HS6ST3: variants seen among roughly 807,000 people sequenced by gnomAD.
HS6ST3 encodes the protein heparan sulfate 6-O-sulfotransferase 3.
HS6ST3 carries 12 observed loss-of-function variants against 36.7 expected under a neutral mutation model. That is an observed-to-expected ratio of 0.33 (90% CI 0.21 to 0.53). The LOEUF is 0.53. HS6ST3 is among the 20% of genes least tolerant of loss of function. HS6ST3 has a pLI of 0.95. For synonymous variants in HS6ST3, 240 were observed against 257.5 expected (o/e 0.93, Z 0.65); for missense variants, 584 against 640.9 (o/e 0.91, Z 0.96).
chr13:96,613,648 A>C (rs1210999553), intron 1 of HS6ST3, among the ~76,000 whole-genome samples: 3 of 152,204 alleles, frequency 2.0e-5, no homozygotes, highest in Non-Finnish European at 4.4e-5. Context: ...TAAGAATATC[A>C]TTTAAGTTTT....
chr13:96,781,442 A>G (rs1004535885), intron 1 of HS6ST3, among the ~76,000 whole-genome samples: 2 of 152,234 alleles, frequency 1.3e-5, no homozygotes, highest in Admixed American at 6.5e-5. Flanking sequence ...TCAAAATGCT[A>G]TCACAGCTGA....
At chr13:96,615,688 G>A (rs897057323) in intron 1 of HS6ST3, among the ~76,000 whole-genome samples, 4 of 152,216 alleles carry the variant, frequency 2.6e-5, no homozygotes, top group African/African-American at 9.6e-5. Flanking sequence ...ACCATTAGAA[G>A]AATCTGTTAA....
chr13:96,290,836 G>A (rs141104856), intron 1 of HS6ST3, among the ~76,000 whole-genome samples: 10 of 152,204 alleles, frequency 6.6e-5, no homozygotes, highest in Admixed American at 2.0e-4. Flanking sequence ...CTCTGATTTC[G>A]TCTGCTACCA....
At chr13:96,694,053 G>A (rs1211920364) in intron 1 of HS6ST3, among the ~76,000 whole-genome samples, 1 of 152,064 alleles carries the variant, frequency 6.6e-6, no homozygotes, top group African/African-American at 2.4e-5. Context: ...GGGTACATGT[G>A]CAGATTCATT....
At chr13:96,815,972 G>A (rs765269) in intron 1 of HS6ST3, among the ~76,000 whole-genome samples, 41,646 of 152,054 alleles carry the variant, frequency 0.27, 5,994 homozygotes, top group East Asian at 0.43. Context: ...CCCTTAGAAG[G>A]GGCAGGGCTC....
At chr13:96,247,232 G>A (rs182711196) in intron 1 of HS6ST3, among the ~76,000 whole-genome samples, 15 of 152,044 alleles carry the variant, frequency 9.9e-5, no homozygotes, top group Admixed American at 7.2e-4. Context: ...TGGTGGCAAC[G>A]TGTCTATTGA....
chr13:96,436,560 G>A (rs1327571716), intron 1 of HS6ST3, among the ~76,000 whole-genome samples: 1 of 152,206 alleles, frequency 6.6e-6, no homozygotes, highest in African/African-American at 2.4e-5. Context: ...TGGAGACAGA[G>A]TCTTTGAAGA....
intron 1 of HS6ST3, among the ~76,000 whole-genome samples, chr13:96,190,967 G>A (rs2054285893): frequency 6.6e-6 from 1 of 152,104 alleles, no homozygotes; most frequent in African/African-American, 2.4e-5. Flanking sequence ...GACATGATAG[G>A]CTATGAAGGC....
At chr13:96,612,999 G>T (rs753280621) in intron 1 of HS6ST3, among the ~76,000 whole-genome samples, 56 of 152,104 alleles carry the variant, frequency 3.7e-4, no homozygotes, top group Non-Finnish European at 1.0e-4. Flanking sequence ...TCTTCCAAAA[G>T]AAAGTTGCAG....
chr13:96,223,495 C>T (rs1189049366), intron 1 of HS6ST3, among the ~76,000 whole-genome samples: 1 of 152,208 alleles, frequency 6.6e-6, no homozygotes, highest in African/African-American at 2.4e-5. Context: ...TTGATATACA[C>T]AGAGCATTTT....
chr13:96,713,127 C>T (rs556588497), intron 1 of HS6ST3, among the ~76,000 whole-genome samples: 95 of 152,136 alleles, frequency 6.2e-4, no homozygotes, highest in Non-Finnish European at 2.6e-4. Flanking sequence ...TTGATGTTAA[C>T]GGGATATTTT....
At chr13:96,409,235 A>G (rs531291576) in intron 1 of HS6ST3, among the ~76,000 whole-genome samples, 28 of 152,312 alleles carry the variant, frequency 1.8e-4, no homozygotes, top group East Asian at 5.8e-4. Context: ...TTGTATAAGA[A>G]TCCTGGACAA....
intron 1 of HS6ST3, among the ~76,000 whole-genome samples, chr13:96,332,987 C>T (rs2055079931): frequency 6.6e-6 from 1 of 152,196 alleles, no homozygotes; most frequent in Admixed American, 6.5e-5. Context: ...CATCTATGGT[C>T]TAGAAAGCAG....
chr13:96,616,154 C>T (rs566791408), intron 1 of HS6ST3, among the ~76,000 whole-genome samples: 2 of 152,132 alleles, frequency 1.3e-5, no homozygotes, highest in African/African-American at 4.8e-5. Flanking sequence ...TGTTAATATT[C>T]CAGATCATAT....
intron 1 of HS6ST3, among the ~76,000 whole-genome samples, chr13:96,630,126 C>T (rs1338306818): frequency 6.6e-6 from 1 of 151,772 alleles, no homozygotes; most frequent in African/African-American, 2.4e-5. Flanking sequence ...TTCATATTTC[C>T]AAGACTTTCT....
chr13:96,604,718 T>TACATGC (rs1323847938), intron 1 of HS6ST3, among the ~76,000 whole-genome samples: 1 of 152,200 alleles, frequency 6.6e-6, no homozygotes, highest in Non-Finnish European at 1.5e-5. Flanking sequence ...AATGTGTGTG[T>TACATGC]ACATGCACAT....
rs1473054911 is a variant in HS6ST3, at chr13:96,837,706, A to C, written c.*4508A>C. The stretch of plus-strand genomic sequence containing the variant: ...TGGGCGGTGCTGCAGGGGAGACCAA[A>C]ACTCAGAGGAGGCATTCAAACACTT... On this transcript the variant is annotated 3_prime_UTR_variant, in exon 2 of 2. Coordinates refer to ENST00000376705, the MANE Select transcript of HS6ST3 (RefSeq NM_153456.4). 1 of 152,076 alleles carries C rather than the reference A, an allele frequency of 6.6e-6. No individual in the cohort carries two copies. The highest frequency in any genetic ancestry group is 1.5e-5 in the Non-Finnish European group (1 of 68,022). The allele number at this position is 152,076 out of a possible 1,614,324, so 9.4% of individuals were successfully genotyped here.
At chr13:96,188,567 T>A (rs1247722402) in intron 1 of HS6ST3, among the ~76,000 whole-genome samples, 1 of 152,200 alleles carries the variant, frequency 6.6e-6, no homozygotes, top group African/African-American at 2.4e-5. Flanking sequence ...AGATAATATA[T>A]ATGCTTCCTC....
At chr13:96,379,356 T>C (rs1215276752) in intron 1 of HS6ST3, among the ~76,000 whole-genome samples, 2 of 152,176 alleles carry the variant, frequency 1.3e-5, no homozygotes, top group Non-Finnish European at 1.5e-5. Context: ...ACTAGTGTTC[T>C]TCTAAAAGAG....
Sources: allele counts gnomAD v4.1 joint callset (sites outside exome capture counted in the v4.1 genomes callset), GRCh38; gene constraint gnomAD v4.1.1; transcripts MANE v1.5; gene names NCBI Gene and HGNC (gene_info 2026-07-23, HGNC 2026-07-21).